The following FAM151A variants were observed in gnomAD, a reference collection of about 807,000 sequenced individuals.
The protein encoded by FAM151A is protein FAM151A.
FAM151A carries 41 observed loss-of-function variants against 40.4 expected under a neutral mutation model. The observed-to-expected ratio is 1.01, with a 90% CI of 0.79 to 1.32. The LOEUF is 1.32. Among genes scored for constraint, FAM151A ranks in the 40% most tolerant of loss-of-function variants. The probability of loss-of-function intolerance (pLI) is 0.00; values close to 1 mark genes in which losing one functional copy is unlikely to be tolerated. For missense variants in FAM151A, 740 were observed against 740.4 expected, an observed-to-expected ratio of 1.00 and a Z score of 0.01; for synonymous variants, 337 against 312.5, an observed-to-expected ratio of 1.08 and a Z score of -0.83.
rs1644250125 is a variant in FAM151A, at chr1:54,623,366, A to G, written c.30T>C (p.Asn10=). The G allele has an allele frequency of 5.0e-6, 8 of 1,613,794 alleles. No homozygotes were observed. The highest frequency in any genetic ancestry group is 6.8e-6 in the Non-Finnish European group (8 of 1,179,920). Residue 10 remains asparagine, a synonymous_variant, in exon 1 of 8, where the codon AAT becomes AAC. Coordinates refer to ENST00000302250, the MANE Select transcript of FAM151A (RefSeq NM_176782.3). Reference sequence around the variant, plus strand: ...TGCCGGCAAACACCCACTTGACCTGATTCTTTGATAACTGCTCCCTGCAGA... The same window carrying G: ...TGCCGGCAAACACCCACTTGACCTGGTTCTTTGATAACTGCTCCCTGCAGA... MVCREQLSK[N]QVKWVFAGIT...
rs2101012470 is a variant in FAM151A, at chr1:54,609,922, C to CCTCG, written c.1103_1104insCGAG (p.Leu369GlufsTer12). On this transcript the variant is annotated frameshift_variant, in exon 8 of 8. Transcript: ENST00000302250. LOFTEE classifies it low-confidence loss of function (END_TRUNC). ...CAGTTCCCTCGAGGCCAGTGTTCAG[C>CCTCG]AGGATCATGCCTTCTGTGTCTGGAA... 1 of 1,606,526 alleles carries CCTCG rather than the reference C, an allele frequency of 6.2e-7. No individual in the cohort carries two copies. The highest frequency in any genetic ancestry group is 1.3e-5 in the African/African-American group (1 of 75,036).
Position 54,623,035 on chromosome 1 carries a change from G to C in FAM151A, c.118+243C>G, listed in dbSNP as rs112385662. ...ACTAAAATTACAAAAAATTAGCTGG[G>C]CGTGGTGGCGGGTGCCTGTAATCCC... On this transcript the variant is annotated intron_variant, in intron 1 of 7. Coordinates refer to ENST00000302250, the MANE Select transcript of FAM151A (RefSeq NM_176782.3). Among the ~76,000 whole-genome samples the C allele has an allele frequency of 3.9e-3, 593 of 152,098 alleles. 2 individuals carry two copies. Among genetic ancestry groups the C allele is most frequent in the African/African-American group, 0.013 (560 of 41,488 alleles).
At chr1:54,620,707 G>C (rs913795621) in intron 1 of FAM151A, among the ~76,000 whole-genome samples, 21 of 151,084 alleles carry the variant, frequency 1.4e-4, no homozygotes, top group Admixed American at 1.3e-3. Flanking sequence ...TAGCGGGATG[G>C]ACGTGGTGGC....
Position 54,609,866 on chromosome 1 carries a change from G to A in FAM151A, c.1160C>T (p.Thr387Ile). 3.1e-6 allele frequency: 5 copies of A among 1,613,934 alleles called. No individual in the cohort carries two copies. Among genetic ancestry groups the A allele is most frequent in the Non-Finnish European group, 4.2e-6 (5 of 1,180,046 alleles). The change falls in exon 8 of 8, where the codon ACT becomes ATT. Residue 387 changes from threonine (T) to isoleucine (I), a missense_variant. Transcript: ENST00000302250. ...CAGCGTCAGGATGTTGCCACTTGGA[G>A]TATGAACAATGGGCACGGGGTTTTC... ...VAENPVPIVH[T>I]PSGNILTLES...
chr1:54,616,193 C>G (rs1644171817), intron 2 of FAM151A, 21 bp from the exon 3 acceptor site: 1 of 1,579,790 alleles, frequency 6.3e-7, no homozygotes, highest in Non-Finnish European at 8.6e-7. Context: ...GGCAACAACT[C>G]AGTGAGTTCC....
chr1:54,622,895 C>T (rs1644244061), intron 1 of FAM151A, among the ~76,000 whole-genome samples: 1 of 151,980 alleles, frequency 6.6e-6, no homozygotes, highest in South Asian at 2.1e-4. Context: ...AGCTGGTTGG[C>T]CAGGCATGAT....
chr1:54,614,734 TG>T lies in FAM151A; in HGVS notation c.540del (p.Asn181ThrfsTer82), dbSNP rs767811115. On this transcript the variant is annotated frameshift_variant, in exon 4 of 8. Coordinates refer to ENST00000302250, the MANE Select transcript of FAM151A (RefSeq NM_176782.3). LOFTEE classifies it high-confidence loss of function. ...TTGACCTCAGTTGAGATGAGCATGT[TG>T]GGGCCCTTTAAGATGTCAGCGTTGA... Reference protein sequence around the residue: ...IWINADILKGPNMLISTEVNA... With the variant: ...IWINADILKGXNMLISTEVNA... The T allele has an allele frequency of 1.5e-5, 25 of 1,613,910 alleles. 1 individual carries two copies. Among genetic ancestry groups the T allele is most frequent in the Middle Eastern group, 1.6e-4 (1 of 6,074 alleles).
chr1:54,613,882 C>T (rs1644144109), intron 4 of FAM151A, among the ~76,000 whole-genome samples: 1 of 152,112 alleles, frequency 6.6e-6, no homozygotes, highest in African/African-American at 2.4e-5. Context: ...AGCTTAGAAT[C>T]AGAAAGGCCT....
intron 4 of FAM151A, 126 bp downstream of exon 4, chr1:54,614,574 C>G (rs1644151274): frequency 2.1e-6 from 2 of 951,686 alleles, no homozygotes; most frequent in African/African-American, 3.3e-5. Context: ...TGTGCAAAGG[C>G]TCAGAGGTGA....
intron 3 of FAM151A, 37 bp downstream of exon 3, chr1:54,615,983 G>T (rs750196655): frequency 3.7e-6 from 6 of 1,606,314 alleles, no homozygotes; most frequent in African/African-American, 2.7e-5. Flanking sequence ...GGGCCAGAGG[G>T]CTGGGGGCCG....
chr1:54,612,378 G>A, intron 5 of FAM151A, 108 bp downstream of exon 5: 1 of 754,342 alleles, frequency 1.3e-6, no homozygotes, highest in Non-Finnish European at 2.2e-6. Flanking sequence ...AGCACTGGCA[G>A]GGGTTGGACG....
At position 54,609,416 on chromosome 1, in the gene FAM151A, A is replaced by G. The variant is rs749948124; in HGVS notation, c.1610T>C (p.Val537Ala). ...CCCAGCTGGGTTGTGCTCCACTGTG[A>G]CGGTGGCCCGGGGGGAGGATGCCAG... ...RLLASSPRAT[V>A]TVEHNPAGGD... Residue 537 changes from valine to alanine, a missense_variant, in exon 8 of 8, where the codon GTC (valine) becomes GCC (alanine). Transcript: ENST00000302250. The G allele has an allele frequency of 1.2e-6, 2 of 1,613,924 alleles. No individual in the cohort carries two copies. The highest frequency in any genetic ancestry group is 1.7e-6 in the Non-Finnish European group (2 of 1,180,000).
intron 3 of FAM151A, 70 bp downstream of exon 3, chr1:54,615,950 G>T: frequency 6.6e-7 from 1 of 1,524,178 alleles, no homozygotes. Context: ...TCCCAGTGAG[G>T]GATCTCTGCA....
Position 54,616,132 on chromosome 1 carries a change from C to T in FAM151A, c.303G>A (p.Gly101=), listed in dbSNP as rs1444685008. The T allele has an allele frequency of 6.2e-7, 1 of 1,614,152 alleles. No individual in the cohort carries two copies. Among genetic ancestry groups the T allele is most frequent in the Admixed American group, 1.7e-5 (1 of 60,022 alleles). The change falls in exon 3 of 8, where the codon GGG becomes GGA. Residue 101 remains glycine (G), a synonymous_variant. Transcript: ENST00000302250. ...CTCCTGTCTCATTGGCTGTGCCGAG[C>T]CCTTCTACATTGACGTCAGCCTCCA... is the stretch of plus-strand genomic sequence containing the variant. ...TVLEADVNVE[G]LGTANETGVP...
chr1:54,620,114 C>A, intron 1 of FAM151A, 107 bp from the exon 2 acceptor site: 1 of 1,212,912 alleles, frequency 8.2e-7, no homozygotes. Flanking sequence ...TCCAGTACCC[C>A]ATCTGGCAGA....
At chr1:54,619,806 C>T in intron 2 of FAM151A, 58 bp downstream of exon 2, 1 of 1,568,202 alleles carries the variant, frequency 6.4e-7, no homozygotes. Flanking sequence ...TCACTTCTCT[C>T]CCTCTGTCTT....
At chr1:54,616,561 G>A (rs1055666738) in intron 2 of FAM151A, among the ~76,000 whole-genome samples, 9 of 151,858 alleles carry the variant, frequency 5.9e-5, no homozygotes, top group Non-Finnish European at 1.0e-4. Context: ...TAGTGGAGAC[G>A]GGGTTTCACC....
At chr1:54,614,954 G>GTGTGTT (rs1553165708) in intron 3 of FAM151A, 95 bp from the exon 4 acceptor site, 2 of 1,199,264 alleles carry the variant, frequency 1.7e-6, no homozygotes, top group Non-Finnish European at 2.3e-6. Context: ...GTGTGTGTGT[G>GTGTGTT]CATGTGCGTG....
chr1:54,622,272 T>C, intron 1 of FAM151A, among the ~76,000 whole-genome samples: 1 of 80,644 alleles, frequency 1.2e-5, no homozygotes, highest in Admixed American at 1.8e-4. Flanking sequence ...TGAGACTCTG[T>C]CTCAAAAAAA....
Sources: gnomAD v4.1 joint callset for allele counts (sites outside exome capture counted in the v4.1 genomes callset) on GRCh38, gnomAD v4.1.1 for gene constraint, MANE v1.5 for transcripts, NCBI Gene and HGNC (gene_info 2026-07-23, HGNC 2026-07-21) for gene names.